Variants in FILIP1L observed in about 807,000 individuals in gnomAD.
FILIP1L encodes filamin A-interacting protein 1-like.
In FILIP1L, 55 loss-of-function variants were observed where a neutral mutation model predicts 96.6. That is an observed-to-expected ratio of 0.57 (90% CI 0.46 to 0.71). The LOEUF (loss-of-function observed/expected upper bound fraction) is 0.71, where lower values mean the gene tolerates loss of function less well. FILIP1L is among the 30% of genes least tolerant of loss of function. The pLI, the probability that FILIP1L is intolerant of heterozygous loss-of-function variation, is 0.00. For synonymous variants in FILIP1L, 467 were observed against 473.9 expected (o/e 0.99, Z 0.19); for missense variants, 1,304 against 1,321.2 (o/e 0.99, Z 0.20).
At chr3:100,018,422 T>G (rs1415528908) in intron 1 of FILIP1L, among the ~76,000 whole-genome samples, 1 of 152,156 alleles carries the variant, frequency 6.6e-6, no homozygotes, top group Non-Finnish European at 1.5e-5. Flanking sequence ...GCATATTTTG[T>G]AGGTGCACTG....
At chr3:99,927,015 T>C (rs1707314190) in intron 3 of FILIP1L, among the ~76,000 whole-genome samples, 3 of 152,194 alleles carry the variant, frequency 2.0e-5, no homozygotes, top group African/African-American at 2.4e-5. Context: ...CCCTTCACCA[T>C]CTGAACCTCC....
intron 4 of FILIP1L, among the ~76,000 whole-genome samples, chr3:99,852,943 A>C (rs1943774687): frequency 6.6e-6 from 1 of 152,148 alleles, no homozygotes; most frequent in Admixed American, 6.5e-5. Context: ...TGAGAACTTA[A>C]CAGGAGGCTG....
chr3:99,956,387 C>G (rs953654058), intron 1 of FILIP1L, among the ~76,000 whole-genome samples: 1 of 152,186 alleles, frequency 6.6e-6, no homozygotes, highest in Non-Finnish European at 1.5e-5. Context: ...GACTTTTGCT[C>G]TGTCACCTAG....
chr3:100,001,874 C>A (rs1198997805), intron 1 of FILIP1L, among the ~76,000 whole-genome samples: 3 of 152,164 alleles, frequency 2.0e-5, no homozygotes, highest in African/African-American at 7.2e-5. Flanking sequence ...CTTACCCTCC[C>A]CTAAGCTGCT....
At chr3:99,869,056 C>A (rs753187862) in intron 4 of FILIP1L, among the ~76,000 whole-genome samples, 5 of 152,322 alleles carry the variant, frequency 3.3e-5, no homozygotes, top group Non-Finnish European at 7.4e-5. Flanking sequence ...GGGAGTATAA[C>A]CATCCCTTAG....
Position 99,869,859 on chromosome 3 carries a change from C to G in FILIP1L, c.606-18789G>C, listed in dbSNP as rs184938740. ...TGGTGGGCCATGAGACACAATAAATCTGGCAGATTTGCTTCTGTCAGGGCA... is the reference window on the plus strand; with the variant it reads ...TGGTGGGCCATGAGACACAATAAATGTGGCAGATTTGCTTCTGTCAGGGCA... On this transcript the variant is annotated intron_variant, in intron 4 of 5. Coordinates refer to ENST00000477258, the MANE Select transcript of FILIP1L (RefSeq NM_001387850.1). Among the ~76,000 whole-genome samples the G allele has an allele frequency of 2.0e-5, 3 of 152,296 alleles. No individual in the cohort carries two copies. The East Asian group carries it at 5.8e-4, about 29-fold the overall frequency.
intron 1 of FILIP1L, among the ~76,000 whole-genome samples, chr3:100,106,506 C>T (rs1177850845): frequency 6.6e-6 from 1 of 152,080 alleles, no homozygotes; most frequent in Non-Finnish European, 1.5e-5. Context: ...GAAAACTGCA[C>T]CCAGAAACCC....
At chr3:100,046,965 G>A (rs1391898220) in intron 1 of FILIP1L, among the ~76,000 whole-genome samples, 1 of 152,220 alleles carries the variant, frequency 6.6e-6, no homozygotes. Context: ...AAATCATGGA[G>A]AAAGAGGCTG....
At chr3:100,011,503 C>A (rs1710155993) in intron 1 of FILIP1L, among the ~76,000 whole-genome samples, 1 of 152,158 alleles carries the variant, frequency 6.6e-6, no homozygotes, top group Admixed American at 6.5e-5. Context: ...TCTTCCTTCC[C>A]TCCAGTTTTA....
At chr3:100,084,200 T>A (rs1350936578) in intron 1 of FILIP1L, among the ~76,000 whole-genome samples, 1 of 152,226 alleles carries the variant, frequency 6.6e-6, no homozygotes, top group African/African-American at 2.4e-5. Context: ...TCCGTATTGT[T>A]ATTTCATGTA....
Position 99,849,923 on chromosome 3 carries a change from C to CTCT in FILIP1L, c.1750_1752dup (p.Arg584dup), listed in dbSNP as rs1943578766. The CTCT allele has an allele frequency of 6.2e-7, 1 of 1,612,424 alleles. No homozygotes were observed. The highest frequency in any genetic ancestry group is 1.3e-5 in the African/African-American group (1 of 74,814). ...TGAAGCCTATTTTTCAACATATTAA[C>CTCT]TCTTGACAGGAGATCATTTCCTTTC... On this transcript the variant is annotated inframe_insertion, in exon 5 of 6. Transcript: ENST00000477258.
At chr3:100,021,915 TTGTGTGTGTGTGTGTGTGTGTGTGTGTG>T (rs61704772) in intron 1 of FILIP1L, among the ~76,000 whole-genome samples, 1 of 105,958 alleles carries the variant, frequency 9.4e-6, no homozygotes. Context: ...CTAGATCCCA[TTGTGTGTGTGTGTGTGTGTGTGTGTGTG>T]TGTGTGTGTG....
chr3:99,891,816 C>G (rs1576551871), intron 4 of FILIP1L, among the ~76,000 whole-genome samples: 2 of 152,126 alleles, frequency 1.3e-5, no homozygotes, highest in East Asian at 3.9e-4. Flanking sequence ...TTTCAGTTGC[C>G]TAATTGTATA....
intron 4 of FILIP1L, among the ~76,000 whole-genome samples, chr3:99,892,415 T>G (rs1706111245): frequency 6.6e-6 from 1 of 152,198 alleles, no homozygotes; most frequent in Non-Finnish European, 1.5e-5. Context: ...AGTGTCCAGC[T>G]GTAATCATCC....
chr3:99,849,430 T>G lies in FILIP1L; in HGVS notation c.2246A>C (p.Lys749Thr). The G allele has an allele frequency of 6.2e-7, 1 of 1,614,202 alleles. No individual in the cohort carries two copies. Among genetic ancestry groups the G allele is most frequent in the South Asian group, 1.1e-5 (1 of 91,080 alleles). The change falls in exon 5 of 6, where the codon AAA (lysine) becomes ACA (threonine). Residue 749 changes from lysine (K) to threonine (T), a missense_variant. Physicochemically the swap from Lys to Thr is moderately conservative, Grantham distance 78. Transcript: ENST00000477258. The stretch of plus-strand genomic sequence containing the variant: ...GTTCCTGTTTTCTTGTTGATTTAGT[T>G]TTTTTTGCAGGACTGAGTGATCTCC... Reference protein sequence around the residue: ...LQGDHSVLQKKLNQQENRNRD... With the variant: ...LQGDHSVLQKTLNQQENRNRD...
intron 1 of FILIP1L, among the ~76,000 whole-genome samples, chr3:99,987,716 G>GT (rs900776618): frequency 4.6e-5 from 7 of 152,222 alleles, no homozygotes; most frequent in South Asian, 2.1e-4. Context: ...CAAGACCTCA[G>GT]TTATTTTCTT....
At chr3:100,014,498 A>G (rs931008160) in intron 1 of FILIP1L, among the ~76,000 whole-genome samples, 1 of 152,000 alleles carries the variant, frequency 6.6e-6, no homozygotes, top group Non-Finnish European at 1.5e-5. Flanking sequence ...ATCCTCACCA[A>G]CACTTTTCTT....
chr3:100,021,954 TGTGTGTGA>T (rs1418074306), intron 1 of FILIP1L, among the ~76,000 whole-genome samples: 77 of 114,398 alleles, frequency 6.7e-4, no homozygotes, highest in East Asian at 1.5e-3. Context: ...TGTGTGTGTG[TGTGTGTGA>T]GAGAGAGAGA....
chr3:99,995,971 C>T (rs1709667001), intron 1 of FILIP1L, among the ~76,000 whole-genome samples: 1 of 152,146 alleles, frequency 6.6e-6, no homozygotes, highest in African/African-American at 2.4e-5. Flanking sequence ...GACATTTTCC[C>T]CATTGTCTTG....
Sources: gnomAD v4.1 joint callset for allele counts (sites outside exome capture counted in the v4.1 genomes callset) on GRCh38, gnomAD v4.1.1 for gene constraint, MANE v1.5 for transcripts, NCBI Gene and HGNC (gene_info 2026-07-23, HGNC 2026-07-21) for gene names.